Variants in DTNA observed in about 807,000 individuals in gnomAD.
DTNA encodes the protein dystrophin-related protein 3.
Under a neutral mutation model 100.7 loss-of-function variants are expected in DTNA, and 43 were observed. The observed-to-expected ratio is 0.43, with a 90% CI of 0.33 to 0.55. The LOEUF (loss-of-function observed/expected upper bound fraction) is 0.55. DTNA is among the 20% of genes least tolerant of loss of function. DTNA has a pLI of 0.04. For synonymous variants in DTNA, 349 were observed against 347.9 expected, an observed-to-expected ratio of 1.00 and a Z score of -0.04; for missense variants, 798 against 953.9, an observed-to-expected ratio of 0.84 and a Z score of 2.15.
chr18:34,496,250 A>C (rs1236831585), intron 1 of DTNA, among the ~76,000 whole-genome samples: 1 of 150,654 alleles, frequency 6.6e-6, no homozygotes, highest in Non-Finnish European at 1.5e-5. Context: ...ACACACCAGA[A>C]TTATGGCTAC....
chr18:34,618,492 T>C (rs1174826512), intron 1 of DTNA, among the ~76,000 whole-genome samples: 1 of 152,022 alleles, frequency 6.6e-6, no homozygotes, highest in Admixed American at 6.6e-5. Flanking sequence ...CAGGCTGGAG[T>C]AGATAGGTCA....
At chr18:34,752,427 A>G (rs973656791) in intron 1 of DTNA, among the ~76,000 whole-genome samples, 117 of 152,332 alleles carry the variant, frequency 7.7e-4, no homozygotes, top group African/African-American at 2.5e-3. Context: ...ATGAGAGTTA[A>G]ATTGGAAACC....
At chr18:34,775,493 AAAAT>A (rs1385168141) in intron 3 of DTNA, among the ~76,000 whole-genome samples, 2 of 152,150 alleles carry the variant, frequency 1.3e-5, no homozygotes, top group Admixed American at 6.5e-5. Context: ...AAAAAAAATA[AAAAT>A]AAATAAATAA....
intron 1 of DTNA, among the ~76,000 whole-genome samples, chr18:34,561,626 G>A (rs1020150624): frequency 3.9e-5 from 6 of 152,044 alleles, no homozygotes; most frequent in African/African-American, 1.4e-4. Flanking sequence ...GTGAAATAAT[G>A]CTATTTAATG....
Position 34,888,575 on chromosome 18 carries a change from A to G in DTNA, c.*841A>G, listed in dbSNP as rs2096942650. The stretch of plus-strand genomic sequence containing the variant: ...CATATTCAAAAAAGGCAGCATTCAA[A>G]TTATATAGAATCTAGTTTTTAAAAT... On this transcript the variant is annotated 3_prime_UTR_variant, in exon 23 of 23. Coordinates refer to ENST00000444659, the MANE Select transcript of DTNA (RefSeq NM_001386795.1). 8.1e-6 allele frequency: 8 copies of G among 985,660 alleles called. No homozygotes were observed. Among genetic ancestry groups the G allele is most frequent in the Non-Finnish European group, 9.6e-6 (8 of 829,868 alleles). The allele number at this position is 985,660 out of a possible 1,614,324, so 61.1% of individuals were successfully genotyped here.
intron 16 of DTNA, among the ~76,000 whole-genome samples, chr18:34,859,743 CTCAA>C (rs1434620550): frequency 2.6e-5 from 4 of 151,734 alleles, no homozygotes; most frequent in African/African-American, 7.3e-5. Context: ...ATTCTCCTGA[CTCAA>C]TCAGATTCTG....
chr18:34,873,033 A>G (rs901305808), intron 17 of DTNA, among the ~76,000 whole-genome samples: 1 of 152,214 alleles, frequency 6.6e-6, no homozygotes, highest in African/African-American at 2.4e-5. Flanking sequence ...AATACTTCAT[A>G]TGGTTATTAA....
intron 1 of DTNA, among the ~76,000 whole-genome samples, chr18:34,521,064 A>C (rs2042105035): frequency 6.6e-6 from 1 of 152,216 alleles, no homozygotes; most frequent in Non-Finnish European, 1.5e-5. Flanking sequence ...TTCTGATGAA[A>C]GAAGTCTCAA....
At chr18:34,631,694 ATGATTTC>A in intron 1 of DTNA, among the ~76,000 whole-genome samples, 1 of 152,362 alleles carries the variant, frequency 6.6e-6, no homozygotes, top group East Asian at 1.9e-4. Context: ...TGAAGATAAC[ATGATTTC>A]AGAGTTGGTC....
intron 1 of DTNA, among the ~76,000 whole-genome samples, chr18:34,704,100 A>G (rs1044922471): frequency 6.6e-6 from 1 of 152,184 alleles, no homozygotes; most frequent in African/African-American, 2.4e-5. Flanking sequence ...AATGTCATCA[A>G]TAATTAACTT....
At chr18:34,766,940 G>T (rs1007080312) in intron 3 of DTNA, among the ~76,000 whole-genome samples, 1 of 151,912 alleles carries the variant, frequency 6.6e-6, no homozygotes, top group African/African-American at 2.4e-5. Flanking sequence ...ATTTAAAAGT[G>T]TAAGCAATAA....
chr18:34,634,171 A>G (rs960575871), intron 1 of DTNA, among the ~76,000 whole-genome samples: 17 of 152,160 alleles, frequency 1.1e-4, no homozygotes, highest in African/African-American at 4.1e-4. Context: ...ATTTTTCATC[A>G]CGTTTTCTCG....
rs146547002 is a variant in DTNA, at chr18:34,566,340, T to G, written c.-2+72826T>G. ...TAAGCTGATTAAGTAGTATGAAACC[T>G]GCATTTGGGAACTTTGATATACACA... On this transcript the variant is annotated intron_variant, in intron 1 of 19. Coordinates refer to the DTNA transcript ENST00000283365. Among the ~76,000 whole-genome samples the G allele has an allele frequency of 1.9e-3, 287 of 152,102 alleles. 1 individual carries two copies. Among genetic ancestry groups the G allele is most frequent in the African/African-American group, 6.4e-3 (264 of 41,496 alleles).
chr18:34,780,034 C>A (rs2094245998), intron 3 of DTNA, among the ~76,000 whole-genome samples: 1 of 152,120 alleles, frequency 6.6e-6, no homozygotes, highest in Non-Finnish European at 1.5e-5. Flanking sequence ...CCCTATCAAT[C>A]TCATGAGCCA....
chr18:34,859,059 A>G (rs1001518608), intron 16 of DTNA, among the ~76,000 whole-genome samples: 1 of 152,222 alleles, frequency 6.6e-6, no homozygotes, highest in Non-Finnish European at 1.5e-5. Flanking sequence ...ATTTTCTCTA[A>G]GTCTTGGTCT....
chr18:34,557,747 C>T (rs1391535552), intron 1 of DTNA, among the ~76,000 whole-genome samples: 7 of 151,252 alleles, frequency 4.6e-5, no homozygotes, highest in African/African-American at 1.7e-4. Context: ...CAGCTACGTG[C>T]TGGGAGAACC....
intron 4 of DTNA, among the ~76,000 whole-genome samples, chr18:34,797,092 G>T (rs776457503): frequency 6.6e-6 from 1 of 152,166 alleles, no homozygotes; most frequent in Non-Finnish European, 1.5e-5. Flanking sequence ...TACAATGTTG[G>T]GGGTGGGCAG....
At chr18:34,649,701 A>T (rs1409958273) in intron 1 of DTNA, among the ~76,000 whole-genome samples, 1 of 152,146 alleles carries the variant, frequency 6.6e-6, no homozygotes, top group Admixed American at 6.5e-5. Context: ...TTTCATGTCT[A>T]TTGGGATATC....
intron 1 of DTNA, among the ~76,000 whole-genome samples, chr18:34,615,890 C>T (rs1321264063): frequency 6.6e-6 from 1 of 152,192 alleles, no homozygotes; most frequent in Admixed American, 6.5e-5. Flanking sequence ...CCTCCAGCTC[C>T]ATCCATGTTG....
Sources: allele counts gnomAD v4.1 joint callset (sites outside exome capture counted in the v4.1 genomes callset), GRCh38; gene constraint gnomAD v4.1.1; transcripts MANE v1.5; gene names NCBI Gene and HGNC (gene_info 2026-07-23, HGNC 2026-07-21).